The following MGAT5 variants were observed in gnomAD, a reference collection of about 807,000 sequenced individuals.
MGAT5 encodes alpha-1,6-mannosylglycoprotein 6-beta-N-acetylglucosaminyltransferase.
Under a neutral mutation model 94.3 loss-of-function variants are expected in MGAT5, and 30 were observed. That is an observed-to-expected ratio of 0.32 (90% CI 0.24 to 0.43). MGAT5 has a LOEUF of 0.43. Among genes scored for constraint, MGAT5 ranks in the 20% least tolerant of loss-of-function variants. The pLI, the probability that MGAT5 is intolerant of heterozygous loss-of-function variation, is 1.00. For synonymous variants in MGAT5, 310 were observed against 322.9 expected (o/e 0.96, Z 0.43); for missense variants, 691 against 905.5 (o/e 0.76, Z 3.04).
chr2:134,170,951 T>G (rs1431731743), intron 1 of MGAT5, among the ~76,000 whole-genome samples: 2 of 151,978 alleles, frequency 1.3e-5, no homozygotes, highest in South Asian at 4.1e-4. Flanking sequence ...CTCTGCCTCC[T>G]GGGTCCAAGT....
At chr2:134,266,944 TAAAG>T (rs1405046476) in intron 1 of MGAT5, among the ~76,000 whole-genome samples, 4 of 152,206 alleles carry the variant, frequency 2.6e-5, no homozygotes, top group Admixed American at 1.3e-4. Context: ...AGGGAGAAGA[TAAAG>T]AAAGAGTCTT....
intron 1 of MGAT5, among the ~76,000 whole-genome samples, chr2:134,152,050 T>A (rs1457477178): frequency 7.1e-6 from 1 of 141,530 alleles, no homozygotes; most frequent in Admixed American, 7.1e-5. Flanking sequence ...ACTCATGCCC[T>A]ATGGGACCCG....
At chr2:134,400,965 G>C (rs1683014988) in intron 10 of MGAT5, among the ~76,000 whole-genome samples, 1 of 152,106 alleles carries the variant, frequency 6.6e-6, no homozygotes, top group African/African-American at 2.4e-5. Context: ...TTTAGGATAG[G>C]GAACCACTGT....
intron 1 of MGAT5, among the ~76,000 whole-genome samples, chr2:134,258,602 C>T (rs759172501): frequency 9.2e-5 from 14 of 151,976 alleles, no homozygotes; most frequent in Non-Finnish European, 1.8e-4. Context: ...GGGTGAGTCT[C>T]TCTCTCTACT....
chr2:134,192,112 G>A (rs1046359548), intron 1 of MGAT5, among the ~76,000 whole-genome samples: 9 of 149,614 alleles, frequency 6.0e-5, no homozygotes, highest in Non-Finnish European at 1.2e-4. Context: ...CGCTCCTCGC[G>A]CGAGCGGGTT....
intron 1 of MGAT5, among the ~76,000 whole-genome samples, chr2:134,260,818 G>A: frequency 6.6e-6 from 1 of 151,780 alleles, no homozygotes; most frequent in Non-Finnish European, 1.5e-5. Flanking sequence ...AGTGAAAATG[G>A]TAGGGAAAAA....
intron 1 of MGAT5, among the ~76,000 whole-genome samples, chr2:134,184,445 G>T (rs1320127515): frequency 6.6e-6 from 1 of 152,120 alleles, no homozygotes; most frequent in Non-Finnish European, 1.5e-5. Context: ...TCTCTGCTGG[G>T]GATGCCTTCC....
At chr2:134,362,502 C>G in intron 10 of MGAT5, 94 bp downstream of exon 10, 1 of 1,463,858 alleles carries the variant, frequency 6.8e-7, no homozygotes, top group Non-Finnish European at 9.3e-7. Flanking sequence ...GCCAAGTGCC[C>G]AGGGCTTAAT....
At chr2:134,313,809 G>A (rs137922729) in intron 2 of MGAT5, among the ~76,000 whole-genome samples, 319 of 152,144 alleles carry the variant, frequency 2.1e-3, no homozygotes, top group African/African-American at 7.1e-3. Flanking sequence ...TTGAGGTCCC[G>A]TGGATACCGT....
At chr2:134,273,575 C>T (rs1272465914) in intron 2 of MGAT5, among the ~76,000 whole-genome samples, 1 of 151,820 alleles carries the variant, frequency 6.6e-6, no homozygotes, top group Non-Finnish European at 1.5e-5. Flanking sequence ...GGTACCATAG[C>T]AATTGAAGAA....
intron 1 of MGAT5, among the ~76,000 whole-genome samples, chr2:134,242,909 A>G (rs1371254898): frequency 6.6e-6 from 1 of 152,106 alleles, no homozygotes; most frequent in Non-Finnish European, 1.5e-5. Context: ...GTGGTAGACT[A>G]GCTATTGAAA....
chr2:134,445,351 G>A (rs1171800952), intron 15 of MGAT5, among the ~76,000 whole-genome samples: 2 of 152,032 alleles, frequency 1.3e-5, no homozygotes, highest in Non-Finnish European at 2.9e-5. Context: ...GCAGCCCAGT[G>A]GAGTCTTTGC....
chr2:134,134,206 T>C (rs1313617672), intron 1 of MGAT5, among the ~76,000 whole-genome samples: 1 of 152,094 alleles, frequency 6.6e-6, no homozygotes, highest in East Asian at 1.9e-4. Context: ...TCCTAAGCGT[T>C]TTTGATGTTA....
chr2:134,320,778 A>T (rs1227925870), intron 4 of MGAT5, among the ~76,000 whole-genome samples: 1 of 152,076 alleles, frequency 6.6e-6, no homozygotes, highest in African/African-American at 2.4e-5. Flanking sequence ...CCATAGGGTG[A>T]TGGGGATAGA....
chr2:134,143,685 T>C (rs1393806791), intron 1 of MGAT5, among the ~76,000 whole-genome samples: 1 of 152,202 alleles, frequency 6.6e-6, no homozygotes, highest in Non-Finnish European at 1.5e-5. Flanking sequence ...GAAATGGAGC[T>C]GGCTGAAGAC....
At chr2:134,401,710 C>T (rs1333639085) in intron 10 of MGAT5, among the ~76,000 whole-genome samples, 2 of 152,222 alleles carry the variant, frequency 1.3e-5, no homozygotes, top group African/African-American at 4.8e-5. Context: ...TGGAATTAAA[C>T]TTTCAGTCCC....
intron 1 of MGAT5, among the ~76,000 whole-genome samples, chr2:134,201,543 TC>T (rs1166947342): frequency 6.6e-6 from 1 of 152,126 alleles, no homozygotes; most frequent in Non-Finnish European, 1.5e-5. Flanking sequence ...GTCAGCATCT[TC>T]CACAGCACCG....
At chr2:134,397,462 G>A (rs896111470) in intron 10 of MGAT5, among the ~76,000 whole-genome samples, 4 of 152,160 alleles carry the variant, frequency 2.6e-5, no homozygotes, top group African/African-American at 7.2e-5. Flanking sequence ...CCTGCAAGGA[G>A]GAGCTCTACC....
At chr2:134,334,828 CT>C (rs1434606260) in intron 4 of MGAT5, among the ~76,000 whole-genome samples, 12 of 152,070 alleles carry the variant, frequency 7.9e-5, no homozygotes, top group Non-Finnish European at 1.5e-4. Context: ...GACTGTAGGC[CT>C]CCAAGGCAAG....
Sources: allele counts gnomAD v4.1 joint callset (sites outside exome capture counted in the v4.1 genomes callset), GRCh38; gene constraint gnomAD v4.1.1; transcripts MANE v1.5; gene names NCBI Gene and HGNC (gene_info 2026-07-23, HGNC 2026-07-21).